PRUNE2: variants seen among roughly 807,000 people sequenced by gnomAD.
PRUNE2 encodes protein prune homolog 2.
PRUNE2 carries 164 observed loss-of-function variants against 252.0 expected under a neutral mutation model. That is an observed-to-expected ratio of 0.65 (90% CI 0.57 to 0.74). The LOEUF is 0.74. PRUNE2 is among the 30% of genes least tolerant of loss of function. PRUNE2 has a pLI of 0.00. For synonymous variants in PRUNE2, 1,292 were observed against 1,350.2 expected (o/e 0.96, Z 0.94); for missense variants, 3,495 against 3,711.0 (o/e 0.94, Z 1.51).
intron 6 of PRUNE2, among the ~76,000 whole-genome samples, chr9:76,807,051 T>TGTGTGCGCGC (rs60768420): frequency 0.061 from 8,525 of 139,086 alleles, 332 homozygotes; most frequent in East Asian, 0.13. Flanking sequence ...TGTGTGTGTG[T>TGTGTGCGCGC]GCGCGCGCGC....
At chr9:76,862,421 A>T (rs979546764) in intron 1 of PRUNE2, 1 of 152,164 alleles carries the variant, frequency 6.6e-6, no homozygotes, top group African/African-American at 2.4e-5. Context: ...CTAGGTCACA[A>T]ATCCTTTCCT....
At chr9:76,641,999 A>G in intron 12 of PRUNE2, 1 of 1,301,530 alleles carries the variant, frequency 7.7e-7, no homozygotes, top group Non-Finnish European at 1.0e-6. Context: ...AAATAAGAGA[A>G]GTAAAAAAAA....
rs572331018 is a variant in PRUNE2 at position 76,636,468 on chromosome 9, T to C, written c.9050+3A>G. ...TTTTATTTTATGACAACATTAACTG[T>C]ACCTTATAAAAGGTCGTGTCACAGC... On this transcript the variant is annotated splice_donor_region_variant and intron_variant, in intron 15 of 18. Transcript: ENST00000376718. 2 of 1,464,274 alleles carry C rather than the reference T, an allele frequency of 1.4e-6. No individual in the cohort carries two copies. The highest frequency in any genetic ancestry group is 2.4e-5 in the South Asian group (2 of 82,122). 90.7% of individuals were successfully genotyped at this position (1,464,274 alleles called of 1,614,324 possible).
intron 4 of PRUNE2, 142 bp from the exon 5 acceptor site, chr9:76,826,874 T>G (rs2058374766): frequency 1.7e-6 from 1 of 604,888 alleles, no homozygotes; most frequent in Non-Finnish European, 2.8e-6. Context: ...ACACGTAACA[T>G]TCAAGAGCCA....
chr9:76,655,792 T>C (rs1848971126), intron 9 of PRUNE2, among the ~76,000 whole-genome samples: 1 of 152,176 alleles, frequency 6.6e-6, no homozygotes, highest in African/African-American at 2.4e-5. Context: ...AAACAACTAA[T>C]AAAATATACT....
At chr9:76,721,033 C>T (rs956580281) in intron 6 of PRUNE2, among the ~76,000 whole-genome samples, 2 of 152,052 alleles carry the variant, frequency 1.3e-5, no homozygotes, top group African/African-American at 4.8e-5. Flanking sequence ...ACCCAGGAGG[C>T]GGAGCTTGCA....
intron 2 of PRUNE2, among the ~76,000 whole-genome samples, chr9:76,852,648 G>C (rs945503741): frequency 4.6e-5 from 7 of 152,300 alleles, no homozygotes; most frequent in Admixed American, 2.0e-4. Flanking sequence ...CACTAGCAGG[G>C]GGCCCAGTAA....
intron 2 of PRUNE2, among the ~76,000 whole-genome samples, chr9:76,852,545 ACG>A (rs1373820161): frequency 0.015 from 2,222 of 152,346 alleles, 53 homozygotes; most frequent in African/African-American, 0.051. Flanking sequence ...ATGGGGTCAC[ACG>A]CATGAGGCAG....
chr9:76,740,403 C>T (rs1026384387), intron 6 of PRUNE2: 5 of 147,400 alleles, frequency 3.4e-5, no homozygotes, highest in Non-Finnish European at 5.9e-5. Flanking sequence ...GAGCTGAGAT[C>T]GTGCCTCTGC....
intron 7 of PRUNE2, among the ~76,000 whole-genome samples, chr9:76,713,321 A>C (rs867515744): frequency 6.6e-6 from 1 of 152,204 alleles, no homozygotes; most frequent in African/African-American, 2.4e-5. Context: ...CTCTTTTGGG[A>C]ATGAGAAAGA....
chr9:76,673,320 C>T (rs1412605097), intron 9 of PRUNE2, among the ~76,000 whole-genome samples: 2 of 146,850 alleles, frequency 1.4e-5, no homozygotes, highest in Non-Finnish European at 3.0e-5. Context: ...TGGATAAATT[C>T]CTGGACACAT....
At chr9:76,819,320 A>C (rs576614683) in intron 6 of PRUNE2, 2 of 152,344 alleles carry the variant, frequency 1.3e-5, no homozygotes, top group South Asian at 4.1e-4. Context: ...CCTTATGAAA[A>C]GGGGAAATTT....
intron 6 of PRUNE2, among the ~76,000 whole-genome samples, chr9:76,791,840 G>C (rs543006797): frequency 6.6e-6 from 1 of 152,298 alleles, no homozygotes; most frequent in African/African-American, 2.4e-5. Context: ...GACTAAGGGA[G>C]GGGGAAAGAA....
In PRUNE2 at chr9:76,710,588, G is replaced by T; in HGVS notation, c.1686C>A (p.Ser562Arg). 1 of 1,613,732 alleles carries T rather than the reference G, an allele frequency of 6.2e-7. No individual in the cohort carries two copies. The highest frequency in any genetic ancestry group is 1.1e-5 in the South Asian group (1 of 91,038). Residue 562 changes from serine (S) to arginine (R), a missense_variant, in exon 8 of 19, where the codon AGC (serine) becomes AGA (arginine). Coordinates refer to ENST00000376718, the MANE Select transcript of PRUNE2 (RefSeq NM_015225.3). ...SSLLSGAGKD[S>R]LVEHDEEFVQ... is the part of the protein sequence containing the mutation. ...CAAACTCCTCATCATGTTCCACAAGGCTATCTTTGCCAGCCCCTGACAAAA... is the reference window on the plus strand; with the variant it reads ...CAAACTCCTCATCATGTTCCACAAGTCTATCTTTGCCAGCCCCTGACAAAA...
intron 9 of PRUNE2, among the ~76,000 whole-genome samples, chr9:76,669,380 C>T (rs925751517): frequency 3.3e-5 from 5 of 152,092 alleles, no homozygotes; most frequent in East Asian, 1.9e-4. Context: ...AGTGCAGTGG[C>T]GTGATCTCGG....
At chr9:76,841,882 T>G (rs1356692823) in intron 4 of PRUNE2, among the ~76,000 whole-genome samples, 3 of 152,134 alleles carry the variant, frequency 2.0e-5, no homozygotes, top group Non-Finnish European at 2.9e-5. Context: ...TTCAGCAGAT[T>G]TAAACGTTCC....
At chr9:76,799,900 C>G (rs1335424433) in intron 6 of PRUNE2, among the ~76,000 whole-genome samples, 1 of 152,120 alleles carries the variant, frequency 6.6e-6, no homozygotes, top group African/African-American at 2.4e-5. Context: ...AGACCACCTA[C>G]CCATAGGTGA....
chr9:76,704,808 G>A lies in PRUNE2; in HGVS notation c.7466C>T (p.Thr2489Ile). Reference protein sequence around the residue: ...SPSNVDWEVETDNSDLPAGGD... With the variant: ...SPSNVDWEVEIDNSDLPAGGD... ...ACCTGCTGGTAAATCAGAATTATCTGTTTCTACTTCCCAGTCAACGTTTGA... is the reference window on the plus strand; with the variant it reads ...ACCTGCTGGTAAATCAGAATTATCTATTTCTACTTCCCAGTCAACGTTTGA... Residue 2489 changes from threonine (T) to isoleucine (I), a missense_variant, in exon 8 of 19, where the codon ACA becomes ATA. Coordinates refer to ENST00000376718, the MANE Select transcript of PRUNE2 (RefSeq NM_015225.3). The A allele has an allele frequency of 6.3e-7, 1 of 1,581,668 alleles. No homozygotes were observed. The highest frequency in any genetic ancestry group is 8.6e-7 in the Non-Finnish European group (1 of 1,162,022).
At chr9:76,667,011 A>T (rs2040331072) in intron 9 of PRUNE2, among the ~76,000 whole-genome samples, 1 of 152,024 alleles carries the variant, frequency 6.6e-6, no homozygotes, top group Non-Finnish European at 1.5e-5. Context: ...GCATCATTAC[A>T]CTCCAGCCTG....
Sources: allele counts gnomAD v4.1 joint callset (sites outside exome capture counted in the v4.1 genomes callset), GRCh38; gene constraint gnomAD v4.1.1; transcripts MANE v1.5; gene names NCBI Gene and HGNC (gene_info 2026-07-23, HGNC 2026-07-21).